Variants in RGS20 observed in about 807,000 individuals in gnomAD.
RGS20 encodes regulator of G protein signaling 20, also known as gz-selective GTPase-activating protein.
A neutral mutation model predicts 33.6 loss-of-function variants in RGS20; 30 were observed. The observed-to-expected ratio is 0.89, with a 90% CI of 0.67 to 1.21. The LOEUF is 1.21. Among genes scored for constraint, RGS20 ranks in the 50% most tolerant of loss-of-function variants. The probability of loss-of-function intolerance (pLI) is 0.00; values close to 1 mark genes in which losing one functional copy is unlikely to be tolerated. For synonymous variants in RGS20, 208 were observed against 197.9 expected (o/e 1.05, Z -0.43); for missense variants, 472 against 502.4 (o/e 0.94, Z 0.58).
Position 53,877,095 on chromosome 8 carries a change from C to T in RGS20, c.166-2163C>T, listed in dbSNP as rs1019838416. The stretch of plus-strand genomic sequence containing the variant: ...GCCAAATTCTGGGACCCACGAAAGG[C>T]TTTGGAGCTCGCTCGGGCTCCTCGA... On this transcript the variant is annotated intron_variant, in intron 1 of 5. Coordinates refer to ENST00000297313, the MANE Select transcript of RGS20 (RefSeq NM_170587.4). This position sits in a 1 kb window ranked among gnomAD's most constrained non-coding sequence, Gnocchi z 5.7. Among the ~76,000 whole-genome samples the T allele has an allele frequency of 2.0e-4, 31 of 152,332 alleles. No homozygotes were observed. The highest frequency in any genetic ancestry group is 3.8e-4 in the Non-Finnish European group (26 of 68,034).
At chr8:53,883,644 G>A (rs1421044253) in intron 2 of RGS20, among the ~76,000 whole-genome samples, 2 of 152,048 alleles carry the variant, frequency 1.3e-5, no homozygotes, top group Non-Finnish European at 2.9e-5. Context: ...GGTAATAAGA[G>A]CACCTACCTC....
At chr8:53,856,246 T>C (rs1463806946) in intron 1 of RGS20, among the ~76,000 whole-genome samples, 1 of 151,488 alleles carries the variant, frequency 6.6e-6, no homozygotes, top group African/African-American at 2.4e-5. Flanking sequence ...GACTCAGTCT[T>C]GCTCTGTTGC....
At chr8:53,944,393 C>G (rs1814401580) in intron 3 of RGS20, among the ~76,000 whole-genome samples, 1 of 152,088 alleles carries the variant, frequency 6.6e-6, no homozygotes, top group African/African-American at 2.4e-5. Context: ...CAAAAATTAG[C>G]TGGGTGTGGT....
intron 2 of RGS20, among the ~76,000 whole-genome samples, chr8:53,896,466 T>A (rs1208229579): frequency 1.3e-5 from 2 of 152,220 alleles, no homozygotes; most frequent in Non-Finnish European, 2.9e-5. Flanking sequence ...GCAATATGTA[T>A]GCTCTGGTCC....
At chr8:53,951,733 A>G (rs1814712409) in intron 4 of RGS20, among the ~76,000 whole-genome samples, 1 of 152,016 alleles carries the variant, frequency 6.6e-6, no homozygotes, top group Non-Finnish European at 1.5e-5. Context: ...ATTAAAAAAT[A>G]AAGCCGAGCA....
At chr8:53,881,164 T>G in intron 2 of RGS20, 80 bp downstream of exon 1, 1 of 1,066,732 alleles carries the variant, frequency 9.4e-7, no homozygotes, top group Non-Finnish European at 1.3e-6. Context: ...TGGCCGAGGC[T>G]GGGAGGGGCG....
At chr8:53,874,202 G>T (rs752153607) in intron 1 of RGS20, among the ~76,000 whole-genome samples, 44 of 152,078 alleles carry the variant, frequency 2.9e-4, no homozygotes, top group Non-Finnish European at 2.9e-4. Flanking sequence ...AAGAAAGAAA[G>T]TCTGCACCTG....
At chr8:53,907,193 T>A (rs542742784) in intron 2 of RGS20, among the ~76,000 whole-genome samples, 7 of 152,216 alleles carry the variant, frequency 4.6e-5, no homozygotes, top group Non-Finnish European at 1.0e-4. Context: ...TTATCTCAGA[T>A]AACAAAGCAT....
At chr8:53,947,467 ATATAG>A (rs1046509483) in intron 4 of RGS20, among the ~76,000 whole-genome samples, 37 of 139,618 alleles carry the variant, frequency 2.7e-4, no homozygotes, top group African/African-American at 8.8e-4. Flanking sequence ...TATATATAAG[ATATAG>A]TATATACATT....
intron 2 of RGS20, among the ~76,000 whole-genome samples, chr8:53,890,967 G>A (rs926464322): frequency 6.6e-6 from 1 of 152,172 alleles, no homozygotes; most frequent in Non-Finnish European, 1.5e-5. Context: ...TCAAAAGAAT[G>A]GAAGACTCAG....
rs369263076 is a variant in RGS20, at chr8:53,896,774, A to G, written c.510+17172A>G. On this transcript the variant is annotated intron_variant, in intron 2 of 5. Coordinates refer to ENST00000297313, the MANE Select transcript of RGS20 (RefSeq NM_170587.4). ...TTAACAGGAAAACTTAGTAGCAATT[A>G]ACAAGCCCCAAAAGGACTAATGAAG... Among the ~76,000 whole-genome samples the G allele has an allele frequency of 3.9e-5, 6 of 152,236 alleles. No homozygotes were observed. The East Asian group carries it at 9.6e-4, about 24-fold the overall frequency.
chr8:53,883,695 A>G (rs1563361128), intron 2 of RGS20, among the ~76,000 whole-genome samples: 1 of 152,186 alleles, frequency 6.6e-6, no homozygotes, highest in East Asian at 1.9e-4. Flanking sequence ...CTGTAATCTC[A>G]GCACTTTGGG....
At chr8:53,951,015 G>A (rs1814696581) in intron 4 of RGS20, among the ~76,000 whole-genome samples, 1 of 152,154 alleles carries the variant, frequency 6.6e-6, no homozygotes, top group South Asian at 2.1e-4. Flanking sequence ...AACGTTAAAT[G>A]ATTTAGCTTA....
chr8:53,914,415 A>G (rs994304112), intron 2 of RGS20, among the ~76,000 whole-genome samples: 1 of 151,734 alleles, frequency 6.6e-6, no homozygotes, highest in Non-Finnish European at 1.5e-5. Context: ...CCTATTTTTG[A>G]TCTTATCCCT....
chr8:53,894,115 C>T (rs1287221543), intron 2 of RGS20, among the ~76,000 whole-genome samples: 4 of 152,090 alleles, frequency 2.6e-5, no homozygotes, highest in Middle Eastern at 6.4e-3. Context: ...CCCTATGTGC[C>T]ATTTTACCCA....
At chr8:53,864,283 A>G (rs1192325434) in intron 1 of RGS20, among the ~76,000 whole-genome samples, 1 of 151,966 alleles carries the variant, frequency 6.6e-6, no homozygotes, top group African/African-American at 2.4e-5. Context: ...ACAAAAAAAA[A>G]ATCAGCTGGG....
chr8:53,950,103 G>A (rs1420896948), intron 4 of RGS20, among the ~76,000 whole-genome samples: 1 of 152,096 alleles, frequency 6.6e-6, no homozygotes, highest in African/African-American at 2.4e-5. Flanking sequence ...TTCTCCCAAA[G>A]TGCTAGGATT....
chr8:53,890,788 C>A lies in RGS20; in HGVS notation c.510+11186C>A, dbSNP rs185940046. On this transcript the variant is annotated intron_variant, in intron 2 of 5. Coordinates refer to ENST00000297313, the MANE Select transcript of RGS20 (RefSeq NM_170587.4). ...GGGATTACAGGCACTTGCCAATTCA[C>A]CTGACCATTTTTTACAAATGTTTTG... Among the ~76,000 whole-genome samples the A allele has an allele frequency of 1.5e-3, 235 of 152,326 alleles. 2 individuals carry two copies. The highest frequency in any genetic ancestry group is 5.5e-3 in the African/African-American group (230 of 41,572).
chr8:53,888,331 G>A (rs924115189), intron 2 of RGS20, among the ~76,000 whole-genome samples: 7 of 152,152 alleles, frequency 4.6e-5, no homozygotes, highest in Admixed American at 1.3e-4. Flanking sequence ...TTTTTGTGAG[G>A]TTTATGACAG....
Sources: gnomAD v4.1 joint callset for allele counts (sites outside exome capture counted in the v4.1 genomes callset) on GRCh38, gnomAD v4.1.1 for gene constraint, Gnocchi (gnomAD v3.1) non-coding constraint, MANE v1.5 for transcripts, NCBI Gene and HGNC (gene_info 2026-07-23, HGNC 2026-07-21) for gene names.